Variants in NRXN3 observed in about 807,000 individuals in gnomAD.
NRXN3 encodes the protein neurexin 3, also known as neurexin III.
In NRXN3, 32 loss-of-function variants were observed where a neutral mutation model predicts 137.6. That is an observed-to-expected ratio of 0.23 (90% confidence interval 0.18 to 0.31). The LOEUF (loss-of-function observed/expected upper bound fraction) is 0.31, where lower values mean the gene tolerates loss of function less well. Ranked by LOEUF, NRXN3 falls within the 10% of genes least tolerant of loss-of-function variation. The pLI, the probability that NRXN3 is intolerant of heterozygous loss-of-function variation, is 1.00. For synonymous variants in NRXN3, 798 were observed against 784.5 expected (o/e 1.02, Z -0.29); for missense variants, 1,574 against 2,062.5 (o/e 0.76, Z 4.59).
At chr14:79,404,075 G>A (rs1239119282) in intron 15 of NRXN3, among the ~76,000 whole-genome samples, 7 of 152,120 alleles carry the variant, frequency 4.6e-5, no homozygotes, top group African/African-American at 1.2e-4. Context: ...CACCAAAAGC[G>A]ATTACAACAG....
chr14:79,453,374 G>A (rs74248999), intron 15 of NRXN3, among the ~76,000 whole-genome samples: 2,358 of 152,264 alleles, frequency 0.015, 44 homozygotes, highest in East Asian at 0.097. Context: ...GTTCAAATAC[G>A]CTAAGAGAAA....
chr14:79,717,716 GC>G (rs1388068751), intron 19 of NRXN3, among the ~76,000 whole-genome samples: 1 of 152,140 alleles, frequency 6.6e-6, no homozygotes, highest in Non-Finnish European at 1.5e-5. Context: ...CTACTATAGT[GC>G]CCTTTCTTAT....
chr14:79,393,051 T>C (rs1241999337), intron 15 of NRXN3, among the ~76,000 whole-genome samples: 1 of 151,436 alleles, frequency 6.6e-6, no homozygotes, highest in East Asian at 1.9e-4. Flanking sequence ...TTTATACTGT[T>C]GGTGGGAGTG....
At chr14:78,856,750 G>T (rs1463715761) in intron 10 of NRXN3, among the ~76,000 whole-genome samples, 1 of 151,974 alleles carries the variant, frequency 6.6e-6, no homozygotes, top group Admixed American at 6.6e-5. Flanking sequence ...TTTTTCTTGA[G>T]ACAGAGTCTC....
At position 79,697,901 on chromosome 14, in the gene NRXN3, C is replaced by T; in HGVS notation, c.3978C>T (p.Thr1326=). 1.2e-6 allele frequency: 2 copies of T among 1,612,860 alleles called. No homozygotes were observed. Among genetic ancestry groups the T allele is most frequent in the Non-Finnish European group, 8.5e-7 (1 of 1,179,138 alleles). Residue 1326 remains threonine, a synonymous_variant, in exon 19 of 21, where the codon ACC becomes ACT. Transcript: ENST00000335750. The part of the protein sequence containing the change: ...VMETTTTMAT[T]TTRKNRSTAS... Reference sequence around the variant, plus strand: ...AAACCACTACTACAATGGCGACTACCACAACCCGTAAGAATCGCTCTACAG... The same window carrying T: ...AAACCACTACTACAATGGCGACTACTACAACCCGTAAGAATCGCTCTACAG...
intron 15 of NRXN3, among the ~76,000 whole-genome samples, chr14:79,260,099 A>G (rs560838685): frequency 3.3e-5 from 5 of 152,082 alleles, no homozygotes; most frequent in Non-Finnish European, 7.4e-5. Flanking sequence ...TTTATTTTCT[A>G]TTTCATACTT....
chr14:79,436,442 A>T (rs2095847384), intron 15 of NRXN3, among the ~76,000 whole-genome samples: 1 of 152,152 alleles, frequency 6.6e-6, no homozygotes, highest in South Asian at 2.1e-4. Context: ...AGGTCCATGG[A>T]TATGTTTTCT....
At chr14:78,827,580 C>A (rs2098970489) in intron 10 of NRXN3, among the ~76,000 whole-genome samples, 1 of 152,170 alleles carries the variant, frequency 6.6e-6, no homozygotes, top group Admixed American at 6.6e-5. Flanking sequence ...CTTGCTGAGG[C>A]CATAATAACT....
intron 8 of NRXN3, among the ~76,000 whole-genome samples, chr14:78,753,460 G>A (rs938897197): frequency 2.6e-5 from 4 of 152,142 alleles, no homozygotes. Context: ...AGTAAGATAT[G>A]TTACCTGAAA....
At chr14:79,801,169 G>T (rs117411210) in intron 19 of NRXN3, among the ~76,000 whole-genome samples, 3 of 152,310 alleles carry the variant, frequency 2.0e-5, no homozygotes, top group Non-Finnish European at 4.4e-5. Flanking sequence ...GATGAGGTCT[G>T]AAAGACACAA....
chr14:78,836,594 T>C (rs972985204), intron 10 of NRXN3, among the ~76,000 whole-genome samples: 7 of 152,298 alleles, frequency 4.6e-5, no homozygotes, highest in African/African-American at 1.7e-4. Flanking sequence ...ATTTTTTTAA[T>C]AACATGGTGC....
At chr14:79,754,637 T>C (rs1260041833) in intron 19 of NRXN3, among the ~76,000 whole-genome samples, 1 of 150,482 alleles carries the variant, frequency 6.6e-6, no homozygotes, top group Admixed American at 6.7e-5. Context: ...TTTACATGTA[T>C]TTATAAACTG....
chr14:79,378,155 G>C (rs991371929), intron 15 of NRXN3, among the ~76,000 whole-genome samples: 79 of 152,136 alleles, frequency 5.2e-4, no homozygotes, highest in African/African-American at 1.9e-3. Flanking sequence ...CATCCTCAGT[G>C]CCTTCATTAC....
At chr14:78,490,113 C>T (rs2095638112) in intron 4 of NRXN3, among the ~76,000 whole-genome samples, 1 of 152,024 alleles carries the variant, frequency 6.6e-6, no homozygotes, top group Non-Finnish European at 1.5e-5. Context: ...TGTGGTTTCA[C>T]CAAGTTGGCC....
chr14:78,582,505 T>G (rs768167883), intron 4 of NRXN3, among the ~76,000 whole-genome samples: 2 of 152,182 alleles, frequency 1.3e-5, no homozygotes, highest in African/African-American at 2.4e-5. Context: ...AAGAGGTGAT[T>G]AGGCCACAAG....
At chr14:79,607,197 A>G (rs1244010247) in intron 16 of NRXN3, among the ~76,000 whole-genome samples, 1 of 152,240 alleles carries the variant, frequency 6.6e-6, no homozygotes, top group East Asian at 1.9e-4. Context: ...TTAGAAAGCA[A>G]CTTTTACAAA....
chr14:78,882,110 T>C (rs1370873727), intron 10 of NRXN3, among the ~76,000 whole-genome samples: 1 of 151,834 alleles, frequency 6.6e-6, no homozygotes, highest in Non-Finnish European at 1.5e-5. Context: ...AAGACAAGAA[T>C]TGAGTTTGGT....
chr14:78,885,063 A>G (rs1403604300), intron 10 of NRXN3, among the ~76,000 whole-genome samples: 1 of 151,548 alleles, frequency 6.6e-6, no homozygotes, highest in African/African-American at 2.4e-5. Flanking sequence ...TTTATAAAGT[A>G]GGGATTGTAA....
chr14:79,614,469 T>A (rs769427997), intron 16 of NRXN3, among the ~76,000 whole-genome samples: 1 of 152,222 alleles, frequency 6.6e-6, no homozygotes, highest in Non-Finnish European at 1.5e-5. Context: ...AAGCTGGCTC[T>A]GCAGAAGTTA....
Sources: gnomAD v4.1 joint callset for allele counts (sites outside exome capture counted in the v4.1 genomes callset) on GRCh38, gnomAD v4.1.1 for gene constraint, MANE v1.5 for transcripts, NCBI Gene and HGNC (gene_info 2026-07-23, HGNC 2026-07-21) for gene names.